RASSF10: variants seen among roughly 807,000 people sequenced by gnomAD.
RASSF10 encodes Ras association domain family member 10.
A neutral mutation model predicts 41.5 loss-of-function variants in RASSF10; 22 were observed. The ratio of observed to expected loss-of-function variants is 0.53; its 90% CI spans 0.38 to 0.76. RASSF10 has a LOEUF of 0.76. Ranked by LOEUF, RASSF10 falls within the 30% of genes least tolerant of loss-of-function variation. RASSF10 has a pLI of 0.00. For missense variants in RASSF10, 776 were observed against 711.8 expected (o/e 1.09, Z -1.03); for synonymous variants, 364 against 319.0 (o/e 1.14, Z -1.50).
Position 13,009,783 on chromosome 11 carries a change from C to CGAGGACGACGAG in RASSF10, c.210_221dup (p.Glu70_Glu73dup). On this transcript the variant is annotated inframe_insertion, in exon 1 of 1. Coordinates refer to ENST00000529419, the MANE Select transcript of RASSF10 (RefSeq NM_001080521.3). ...CGGGAGAGCTGCCCGAACCCCCGAACGAGGACGACGAGGACGACGACGAGG... is the reference window on the plus strand; with the variant it reads ...CGGGAGAGCTGCCCGAACCCCCGAACGAGGACGACGAGGAGGACGACGAGGACGACGACGAGG... The CGAGGACGACGAG allele has an allele frequency of 6.2e-7, 1 of 1,604,696 alleles. No individual in the cohort carries two copies.
rs758854504 is a variant in RASSF10, at chr11:13,009,859, G to A, written c.283G>A (p.Glu95Lys). The A allele has an allele frequency of 9.3e-6, 15 of 1,606,150 alleles. No individual in the cohort carries two copies. The highest frequency in any genetic ancestry group is 8.5e-7 in the Non-Finnish European group (1 of 1,177,112). The change falls in exon 1 of 1, where the codon GAG becomes AAG. Residue 95 changes from glutamate to lysine, a missense_variant. Glu to Lys is a moderately conservative substitution (Grantham distance 56). Coordinates refer to ENST00000529419, the MANE Select transcript of RASSF10 (RefSeq NM_001080521.3). ...GCCCCCGCAGTGCTATTGCATCGTGGAGAAGTGGCGCGGCTTTGAGCGCAT... is the reference window on the plus strand; with the variant it reads ...GCCCCCGCAGTGCTATTGCATCGTGAAGAAGTGGCGCGGCTTTGAGCGCAT... ...CGPPQCYCIV[E>K]KWRGFERILP...
At position 13,009,644 on chromosome 11, in the gene RASSF10, C is replaced by T. The variant is rs767749074; in HGVS notation, c.68C>T (p.Ser23Phe). 3.7e-6 allele frequency: 6 copies of T among 1,607,068 alleles called. No homozygotes were observed. In the African/African-American group the frequency reaches 4.0e-5, roughly 11 times the overall value. The change falls in exon 1 of 1, where the codon TCC (serine) becomes TTC (phenylalanine). Residue 23 changes from serine to phenylalanine, a missense_variant. By Grantham distance (155) the Ser-to-Phe change is radical (BLOSUM62 -2). Transcript: ENST00000529419. ...CQEEKLVSGL[S>F]RRTTCSDVVR... ...GAAGAGAAGCTGGTGTCCGGCCTCT[C>T]CCGCCGCACCACTTGCTCCGACGTT...
chr11:13,010,814 C>T lies in RASSF10; in HGVS notation c.1238C>T (p.Ser413Leu), dbSNP rs1949573517. Residue 413 changes from serine to leucine, a missense_variant, in exon 1 of 1, where the codon TCG (serine) becomes TTG (leucine). Transcript: ENST00000529419. The surrounding 1 kb of genome is among the most constrained non-coding windows in gnomAD (Gnocchi z 4.8). ...AACACGGACCTAGAGGCCGTCAAGT[C>T]GGACTTGGATTACAGCCAGCAGCAA... ...RLNTDLEAVK[S>L]DLDYSQQQWD... is the part of the protein sequence containing the mutation. 6.2e-7 allele frequency: 1 copy of T among 1,613,704 alleles called. No individual in the cohort carries two copies. Among genetic ancestry groups the T allele is most frequent in the Non-Finnish European group, 8.5e-7 (1 of 1,179,814 alleles).
At position 13,010,415 on chromosome 11, in the gene RASSF10, G is replaced by T; in HGVS notation, c.839G>T (p.Gly280Val). Residue 280 changes from glycine (G) to valine (V), a missense_variant, in exon 1 of 1, where the codon GGG becomes GTG. Transcript: ENST00000529419. The surrounding 1 kb of genome is among the most constrained non-coding windows in gnomAD (Gnocchi z 4.8). ...TACGTGCAGGACACTTACTTGGTTG[G>T]GGCAGGCATCGAGCTCGACGGGTCC... ...VNYVQDTYLV[G>V]AGIELDGSRP... 1 of 1,547,930 alleles carries T rather than the reference G, an allele frequency of 6.5e-7. No homozygotes were observed. Among genetic ancestry groups the T allele is most frequent in the Non-Finnish European group, 8.7e-7 (1 of 1,144,442 alleles).
rs2134212395 is a variant in RASSF10, at chr11:13,009,793, G to A, written c.217G>A (p.Glu73Lys). 1 of 1,606,704 alleles carries A rather than the reference G, an allele frequency of 6.2e-7. No homozygotes were observed. The highest frequency in any genetic ancestry group is 1.1e-5 in the South Asian group (1 of 90,052). ...ELPEPPNEDD[E>K]DDDEALPQGM... ...GCCCGAACCCCCGAACGAGGACGAC[G>A]AGGACGACGACGAGGCGCTGCCGCA... Residue 73 changes from glutamate (E) to lysine (K), a missense_variant, in exon 1 of 1, where the codon GAG becomes AAG. Physicochemically the swap from Glu to Lys is moderately conservative, Grantham distance 56 (BLOSUM62 1). Transcript: ENST00000529419.
In RASSF10 at chr11:13,010,659, G is replaced by A. The variant is rs1949570967; in HGVS notation, c.1083G>A (p.Arg361=). ...AACTCAACCAGAGGTGGATGCGACGGCGCCAGGAGGAGCTGGCGGCGCGGG... is the reference window on the plus strand; with the variant it reads ...AACTCAACCAGAGGTGGATGCGACGACGCCAGGAGGAGCTGGCGGCGCGGG... The part of the protein sequence containing the change: ...QEELNQRWMR[R]RQEELAAREE... The change falls in exon 1 of 1, where the codon CGG becomes CGA. Residue 361 remains arginine, a synonymous_variant. Transcript: ENST00000529419. This position sits in a 1 kb window ranked among gnomAD's most constrained non-coding sequence, Gnocchi z 4.8. The A allele has an allele frequency of 1.3e-6, 2 of 1,591,778 alleles. No individual in the cohort carries two copies. The highest frequency in any genetic ancestry group is 2.3e-5 in the South Asian group (2 of 87,596).
In RASSF10 at chr11:13,009,334, G is replaced by C; in HGVS notation, c.-243G>C. ...CTTGGGCAGAGCCAGAGCGGCGGGA[G>C]CCGGTCCTGGGCGCGTTGCCCCGGG... is the stretch of plus-strand genomic sequence containing the variant. On this transcript the variant is annotated 5_prime_UTR_variant, in exon 1 of 1. Coordinates refer to ENST00000529419, the MANE Select transcript of RASSF10 (RefSeq NM_001080521.3). The C allele has an allele frequency of 1.1e-6, 1 of 908,782 alleles. No individual in the cohort carries two copies. Among genetic ancestry groups the C allele is most frequent in the South Asian group, 1.4e-5 (1 of 70,672 alleles). The allele number at this position is 908,782 out of a possible 1,614,324, so 56.3% of individuals were successfully genotyped here.
At position 13,010,257 on chromosome 11, in the gene RASSF10, G is replaced by T. The variant is rs746778605; in HGVS notation, c.681G>T (p.Thr227=). Residue 227 remains threonine (T), a synonymous_variant, in exon 1 of 1, where the codon ACG becomes ACT. Coordinates refer to ENST00000529419, the MANE Select transcript of RASSF10 (RefSeq NM_001080521.3). The surrounding 1 kb of genome is among the most constrained non-coding windows in gnomAD (Gnocchi z 4.8). Reference sequence around the variant, plus strand: ...GCGCGTCGGTGGAGCGCATGGAGACGCTGGTGCATCTGGTGCTTTCCCAGG... The same window carrying T: ...GCGCGTCGGTGGAGCGCATGGAGACTCTGGTGCATCTGGTGCTTTCCCAGG... ...HESASVERME[T]LVHLVLSQDH... 1 of 1,572,838 alleles carries T rather than the reference G, an allele frequency of 6.4e-7. No homozygotes were observed. The highest frequency in any genetic ancestry group is 1.2e-5 in the South Asian group (1 of 85,146).
chr11:13,009,587 C>G lies in RASSF10; in HGVS notation c.11C>G (p.Ser4Trp). The G allele has an allele frequency of 6.2e-7, 1 of 1,609,306 alleles. No individual in the cohort carries two copies. Among genetic ancestry groups the G allele is most frequent in the Non-Finnish European group, 8.5e-7 (1 of 1,177,350 alleles). The part of the protein sequence containing the change: MDP[S>W]EKKISVWICQ... Reference sequence around the variant, plus strand: ...CGCCCTGGTTGCGCCATGGATCCTTCGGAAAAGAAGATATCGGTGTGGATC... The same window carrying G: ...CGCCCTGGTTGCGCCATGGATCCTTGGGAAAAGAAGATATCGGTGTGGATC... Residue 4 changes from serine (S) to tryptophan (W), a missense_variant, in exon 1 of 1, where the codon TCG (serine) becomes TGG (tryptophan). Ser to Trp is a radical substitution (Grantham distance 177). Coordinates refer to ENST00000529419, the MANE Select transcript of RASSF10 (RefSeq NM_001080521.3).
In RASSF10 at chr11:13,010,381, G is replaced by C; in HGVS notation, c.805G>C (p.Gly269Arg). ...GCACCTGGACCGCATGCGGCGTCAC[G>C]GGGTCAACTACGTGCAGGACACTTA... ...KVHLDRMRRH[G>R]VNYVQDTYLV... Residue 269 changes from glycine (G) to arginine (R), a missense_variant, in exon 1 of 1, where the codon GGG becomes CGG. Gly to Arg is a moderately radical substitution (Grantham distance 125). Transcript: ENST00000529419. This position sits in a 1 kb window ranked among gnomAD's most constrained non-coding sequence, Gnocchi z 4.8. The C allele has an allele frequency of 6.4e-7, 1 of 1,551,322 alleles. No homozygotes were observed.
chr11:13,009,422 C>G lies in RASSF10; in HGVS notation c.-155C>G, dbSNP rs2134212004. On this transcript the variant is annotated 5_prime_UTR_variant, in exon 1 of 1. Transcript: ENST00000529419. ...GACCACAGCCGCAGTCGCTTTCCAG[C>G]CTGCCTTCGGTGCGCAGCGGGGGAA... The G allele has an allele frequency of 6.8e-7, 1 of 1,475,690 alleles. No individual in the cohort carries two copies. Among genetic ancestry groups the G allele is most frequent in the Non-Finnish European group, 9.0e-7 (1 of 1,107,874 alleles). The allele number at this position is 1,475,690 out of a possible 1,614,324, so 91.4% of individuals were successfully genotyped here.
At position 13,010,943 on chromosome 11, in the gene RASSF10, G is replaced by A. The variant is rs774329053; in HGVS notation, c.1367G>A (p.Arg456Gln). ...GCTCCTGGCTCTGGCAGTCCCTCGC[G>A]GGAACCTGGGCCTCAAGCCTGCGCC... The part of the protein sequence containing the change: ...DGAPGSGSPS[R>Q]EPGPQACADM... The change falls in exon 1 of 1, where the codon CGG (arginine) becomes CAG (glutamine). Residue 456 changes from arginine (R) to glutamine (Q), a missense_variant. Arg to Gln is a conservative substitution (Grantham distance 43, BLOSUM62 1). Coordinates refer to ENST00000529419, the MANE Select transcript of RASSF10 (RefSeq NM_001080521.3). This position sits in a 1 kb window ranked among gnomAD's most constrained non-coding sequence, Gnocchi z 4.8. The A allele has an allele frequency of 8.7e-6, 14 of 1,613,574 alleles. No individual in the cohort carries two copies. The highest frequency in any genetic ancestry group is 1.7e-5 in the Admixed American group (1 of 60,000).
Position 13,011,033 on chromosome 11 carries a change from A to C in RASSF10, c.1457A>C (p.Asp486Ala). 6.2e-7 allele frequency: 1 copy of C among 1,608,732 alleles called. No homozygotes were observed. Among genetic ancestry groups the C allele is most frequent in the Non-Finnish European group, 8.5e-7 (1 of 1,179,254 alleles). Residue 486 changes from aspartate (D) to alanine (A), a missense_variant, in exon 1 of 1, where the codon GAT (aspartate) becomes GCT (alanine). Physicochemically the swap from Asp to Ala is moderately radical, Grantham distance 126. Coordinates refer to ENST00000529419, the MANE Select transcript of RASSF10 (RefSeq NM_001080521.3). ...KSGPGNDEDS[D>A]TGLSSMHSQD... ...GGTCCTGGCAACGACGAAGACTCGG[A>C]TACGGGACTGAGCTCTATGCATAGC... is the stretch of plus-strand genomic sequence containing the variant.
chr11:13,009,464 G>T lies in RASSF10; in HGVS notation c.-113G>T, dbSNP rs1949555157. On this transcript the variant is annotated 5_prime_UTR_variant, in exon 1 of 1. Coordinates refer to ENST00000529419, the MANE Select transcript of RASSF10 (RefSeq NM_001080521.3). ...GCGGGGGAACAGGGCTAGTGCAGCCGCCGGAGGGGGGCACGGGCTCCTCTC... is the reference window on the plus strand; with the variant it reads ...GCGGGGGAACAGGGCTAGTGCAGCCTCCGGAGGGGGGCACGGGCTCCTCTC... 2.0e-6 allele frequency: 3 copies of T among 1,508,910 alleles called. No homozygotes were observed. The highest frequency in any genetic ancestry group is 2.8e-5 in the African/African-American group (2 of 71,818). 93.5% of individuals were successfully genotyped at this position (1,508,910 alleles called of 1,614,324 possible). A position where few individuals can be genotyped will look rare whatever the true frequency, so the allele number is the denominator to read the frequency against.
Position 13,009,438 on chromosome 11 carries a change from A to G in RASSF10, c.-139A>G, listed in dbSNP as rs368354641. The G allele has an allele frequency of 7.4e-4, 1,110 of 1,492,912 alleles. 1 individual carries two copies. Among genetic ancestry groups the G allele is most frequent in the Non-Finnish European group, 9.0e-4 (1,014 of 1,122,374 alleles). The allele number at this position is 1,492,912 out of a possible 1,614,324, so 92.5% of individuals were successfully genotyped here. ...GCTTTCCAGCCTGCCTTCGGTGCGCAGCGGGGGAACAGGGCTAGTGCAGCC... is the reference window on the plus strand; with the variant it reads ...GCTTTCCAGCCTGCCTTCGGTGCGCGGCGGGGGAACAGGGCTAGTGCAGCC... On this transcript the variant is annotated 5_prime_UTR_variant, in exon 1 of 1. Transcript: ENST00000529419.
In RASSF10 at chr11:13,009,377, C is replaced by T; in HGVS notation, c.-200C>T. 2.4e-6 allele frequency: 3 copies of T among 1,274,530 alleles called. No homozygotes were observed. The highest frequency in any genetic ancestry group is 1.4e-5 in the South Asian group (1 of 72,152). The allele number at this position is 1,274,530 out of a possible 1,614,324, so 79.0% of individuals were successfully genotyped here. ...GCCCCGGGAGCGCCCGTCGTCCGGG[C>T]AGAGCGCAGCCGCAACCGCGACCAC... On this transcript the variant is annotated 5_prime_UTR_variant, in exon 1 of 1. Transcript: ENST00000529419.
In RASSF10 at chr11:13,010,680, G is replaced by A. The variant is rs370708431; in HGVS notation, c.1104G>A (p.Ala368=). The part of the protein sequence containing the change: ...WMRRRQEELA[A]REEPLEPDGG... ...GACGGCGCCAGGAGGAGCTGGCGGCGCGGGAGGAGCCCCTGGAGCCCGACG... is the reference window on the plus strand; with the variant it reads ...GACGGCGCCAGGAGGAGCTGGCGGCACGGGAGGAGCCCCTGGAGCCCGACG... Residue 368 remains alanine, a synonymous_variant, in exon 1 of 1, where the codon GCG becomes GCA. Coordinates refer to ENST00000529419, the MANE Select transcript of RASSF10 (RefSeq NM_001080521.3). This position sits in a 1 kb window ranked among gnomAD's most constrained non-coding sequence, Gnocchi z 4.8. 1.1e-5 allele frequency: 17 copies of A among 1,590,586 alleles called. No individual in the cohort carries two copies. In the African/African-American group the frequency reaches 2.0e-4, roughly 19 times the overall value.
In RASSF10 at chr11:13,009,473, G is replaced by A. The variant is rs762411533; in HGVS notation, c.-104G>A. The A allele has an allele frequency of 8.5e-5, 129 of 1,514,552 alleles. No homozygotes were observed. The highest frequency in any genetic ancestry group is 1.8e-4 in the Middle Eastern group (1 of 5,570). 93.8% of individuals were successfully genotyped at this position (1,514,552 alleles called of 1,614,324 possible). A position where few individuals can be genotyped will look rare whatever the true frequency, so the allele number is the denominator to read the frequency against. On this transcript the variant is annotated 5_prime_UTR_variant, in exon 1 of 1. Transcript: ENST00000529419. Reference sequence around the variant, plus strand: ...CAGGGCTAGTGCAGCCGCCGGAGGGGGGCACGGGCTCCTCTCCCATCCCAG... The same window carrying A: ...CAGGGCTAGTGCAGCCGCCGGAGGGAGGCACGGGCTCCTCTCCCATCCCAG...
rs1949554416 is a variant in RASSF10 at position 13,009,401 on chromosome 11, A to G, written c.-176A>G. On this transcript the variant is annotated 5_prime_UTR_variant, in exon 1 of 1. Coordinates refer to ENST00000529419, the MANE Select transcript of RASSF10 (RefSeq NM_001080521.3). ...GCAGAGCGCAGCCGCAACCGCGACC[A>G]CAGCCGCAGTCGCTTTCCAGCCTGC... The G allele has an allele frequency of 7.0e-7, 1 of 1,422,334 alleles. No individual in the cohort carries two copies. Among genetic ancestry groups the G allele is most frequent in the Non-Finnish European group, 9.5e-7 (1 of 1,057,458 alleles). 88.1% of individuals were successfully genotyped at this position (1,422,334 alleles called of 1,614,324 possible).
Sources: gnomAD v4.1 joint callset for allele counts on GRCh38, gnomAD v4.1.1 for gene constraint, Gnocchi (gnomAD v3.1) non-coding constraint, MANE v1.5 for transcripts, NCBI Gene and HGNC (gene_info 2026-07-23, HGNC 2026-07-21) for gene names.